The following FMO5 variants were observed in gnomAD, a reference collection of about 807,000 sequenced individuals.
FMO5 encodes the protein flavin containing dimethylaniline monoxygenase 5.
FMO5 carries 51 observed loss-of-function variants against 43.6 expected under a neutral mutation model. That is an observed-to-expected ratio of 1.17 (90% CI 0.93 to 1.48). FMO5 has a LOEUF of 1.48. FMO5 is among the 40% of genes most tolerant of loss of function. The pLI, the probability that FMO5 is intolerant of heterozygous loss-of-function variation, is 0.00. For missense variants in FMO5, 644 were observed against 643.0 expected (o/e 1.00, Z -0.02); for synonymous variants, 187 against 216.5 (o/e 0.86, Z 1.20).
Position 147,187,197 on chromosome 1 carries a change from G to T in FMO5, c.1305C>A (p.Thr435=), listed in dbSNP as rs782421439. 22 of 1,614,000 alleles carry T rather than the reference G, an allele frequency of 1.4e-5. No homozygotes were observed. Among genetic ancestry groups the T allele is most frequent in the Non-Finnish European group, 1.9e-5 (22 of 1,179,986 alleles). ...RHTIQGDYID[T]MEELADLVGV... ...CCACCAAATCAGCAAGCTCTTCCAT[G>T]GTATCTATGTAGTCTCCCTGAATGG... The change falls in exon 9 of 9, where the codon ACC becomes ACA. Residue 435 remains threonine, a synonymous_variant. Transcript: ENST00000254090.
chr1:147,201,584 G>T, intron 6 of FMO5, 80 bp from the exon 7 acceptor site: 1 of 1,065,244 alleles, frequency 9.4e-7, no homozygotes, highest in Non-Finnish European at 1.4e-6. Flanking sequence ...TTGCTTTGGT[G>T]GAGGTAAACA....
chr1:147,213,238 A>G lies in FMO5; in HGVS notation c.487+70T>C, dbSNP rs587752502. ...CAAAGTAGGAATTACTCAGACCACA[A>G]TCCTCCCATTCCTCAGGGGTCAGGT... is the stretch of plus-strand genomic sequence containing the variant. On this transcript the variant is annotated intron_variant, in intron 4 of 8. Coordinates refer to ENST00000254090, the MANE Select transcript of FMO5 (RefSeq NM_001461.4). 1.6e-5 allele frequency: 20 copies of G among 1,272,412 alleles called. No homozygotes were observed. The African/African-American group carries it at 2.9e-4, about 18-fold the overall frequency. 78.8% of individuals were successfully genotyped at this position (1,272,412 alleles called of 1,614,324 possible). A position where few individuals can be genotyped will look rare whatever the true frequency, so the allele number is the denominator to read the frequency against.
Position 147,200,572 on chromosome 1 carries a change from A to C in FMO5, c.1183+580T>G, listed in dbSNP as rs1351042527. On this transcript the variant is annotated intron_variant, in intron 7 of 8. Coordinates refer to ENST00000254090, the MANE Select transcript of FMO5 (RefSeq NM_001461.4). ...CTTTGGAAGCTATATCATTCTACTG[A>C]CTCATATGAAACCTATTCCCCTTTT... Among the ~76,000 whole-genome samples, 7 of 131,402 alleles carry C rather than the reference A, an allele frequency of 5.3e-5. No homozygotes were observed. In the East Asian group the frequency reaches 1.4e-3, roughly 26 times the overall value. 86.2% of individuals were successfully genotyped at this position (131,402 alleles called of 152,430 possible).
In FMO5 at chr1:147,190,253, A is replaced by C; in HGVS notation, c.1184-4T>G. On this transcript the variant is annotated splice_region_variant and splice_polypyrimidine_tract_variant and intron_variant, in intron 7 of 8. Coordinates refer to ENST00000254090, the MANE Select transcript of FMO5 (RefSeq NM_001461.4). ...TGTGAGGGCAATGTCTTTAGACCTA[A>C]AAACAAAAATTAACATTTTAACTGT... 1.3e-6 allele frequency: 2 copies of C among 1,585,882 alleles called. No homozygotes were observed. Among genetic ancestry groups the C allele is most frequent in the Non-Finnish European group, 1.7e-6 (2 of 1,157,848 alleles).
At chr1:147,222,571 T>C (rs1397976521) in intron 2 of FMO5, among the ~76,000 whole-genome samples, 1 of 152,180 alleles carries the variant, frequency 6.6e-6, no homozygotes, top group Non-Finnish European at 1.5e-5. Flanking sequence ...TGGAATCATC[T>C]GGGGAGCTTT....
At position 147,215,856 on chromosome 1, in the gene FMO5, T is replaced by G; in HGVS notation, c.222A>C (p.Pro74=). ...TGAAGTTGGGATAATGATCTGGGAT[T>G]GGATAGTCACTGAAGCACATCATCT... ...SKEMMCFSDY[P]IPDHYPNFMH... is the part of the protein sequence containing the mutation. Residue 74 remains proline, a synonymous_variant, in exon 3 of 9, where the codon CCA becomes CCC. Coordinates refer to ENST00000254090, the MANE Select transcript of FMO5 (RefSeq NM_001461.4). 6.2e-7 allele frequency: 1 copy of G among 1,613,622 alleles called. No homozygotes were observed.
At chr1:147,206,102 T>C (rs76275255) in intron 6 of FMO5, among the ~76,000 whole-genome samples, 5 of 148,150 alleles carry the variant, frequency 3.4e-5, no homozygotes, top group African/African-American at 5.1e-5. Flanking sequence ...AAAAAGTGGG[T>C]GAAGGATATG....
chr1:147,203,229 C>T (rs1553921453), intron 6 of FMO5: 1 of 1,006,354 alleles, frequency 9.9e-7, no homozygotes, highest in African/African-American at 1.6e-5. Context: ...TCTTAGAATA[C>T]TACTACAAAT....
intron 2 of FMO5, among the ~76,000 whole-genome samples, chr1:147,216,471 T>C (rs1419425343): frequency 6.6e-6 from 1 of 151,962 alleles, no homozygotes; most frequent in Non-Finnish European, 1.5e-5. Flanking sequence ...CAGGAAAGAG[T>C]GTAACAGTTT....
At chr1:147,205,045 A>G (rs1380172503) in intron 6 of FMO5, 4 of 678,648 alleles carry the variant, frequency 5.9e-6, no homozygotes, top group African/African-American at 5.4e-5. Context: ...CATCTTTGCT[A>G]TATAGTCCAG....
At chr1:147,197,010 G>A (rs1438032189) in intron 7 of FMO5, among the ~76,000 whole-genome samples, 3 of 152,036 alleles carry the variant, frequency 2.0e-5, no homozygotes, top group Admixed American at 1.3e-4. Flanking sequence ...CTTCTAAACT[G>A]GAGATCTGAT....
At position 147,195,125 on chromosome 1, in the gene FMO5, C is replaced by G. The variant is rs1657724240; in HGVS notation, c.1184-4876G>C. 2.0e-5 allele frequency among the ~76,000 whole-genome samples: 3 copies of G among 152,094 alleles called. No homozygotes were observed. In the South Asian group the frequency reaches 6.2e-4, roughly 31 times the overall value. ...TGTTTTCCAACTTGGTTCCATTCTC[C>G]CCGTCACTTTCAGGTTCACCAATCC... On this transcript the variant is annotated intron_variant, in intron 7 of 8. Transcript: ENST00000254090.
intron 6 of FMO5, 143 bp downstream of exon 6, chr1:147,208,709 G>C (rs1174354587): frequency 4.7e-6 from 3 of 640,972 alleles, no homozygotes; most frequent in Non-Finnish European, 8.2e-6. Flanking sequence ...AGAGTGCTGG[G>C]ATTACAGGCG....
chr1:147,222,969 C>A (rs1663319724), intron 2 of FMO5, among the ~76,000 whole-genome samples: 2 of 152,178 alleles, frequency 1.3e-5, no homozygotes, highest in Admixed American at 6.5e-5. Context: ...TGAATAATAA[C>A]CAACATGTAA....
At chr1:147,223,353 C>G (rs1663399565) in intron 2 of FMO5, among the ~76,000 whole-genome samples, 1 of 152,152 alleles carries the variant, frequency 6.6e-6, no homozygotes, top group Admixed American at 6.6e-5. Flanking sequence ...AAATTAGTCC[C>G]CAAAACAGAG....
chr1:147,205,168 A>G (rs1659766781), intron 6 of FMO5, among the ~76,000 whole-genome samples: 1 of 152,202 alleles, frequency 6.6e-6, no homozygotes, highest in African/African-American at 2.4e-5. Context: ...GCTATCTCCT[A>G]TTATTCAACA....
At chr1:147,202,160 C>G (rs1184655095) in intron 6 of FMO5, among the ~76,000 whole-genome samples, 1 of 151,898 alleles carries the variant, frequency 6.6e-6, no homozygotes, top group Non-Finnish European at 1.5e-5. Context: ...TCTTGGTATA[C>G]TTCGGGCTTG....
At chr1:147,199,484 AT>A (rs1553920459) in intron 7 of FMO5, among the ~76,000 whole-genome samples, 1 of 152,082 alleles carries the variant, frequency 6.6e-6, no homozygotes, top group Non-Finnish European at 1.5e-5. Flanking sequence ...CTTTTTGTAC[AT>A]TTTCCCTAAG....
In FMO5 at chr1:147,199,228, C is replaced by T. The variant is rs1320503619; in HGVS notation, c.1183+1924G>A. On this transcript the variant is annotated intron_variant, in intron 7 of 8. Transcript: ENST00000254090. ...AAGGAGGCAGGCTTTGTTGGGCAGACATGAAAAAAATGGGAAAAACAAGCT... is the reference window on the plus strand; with the variant it reads ...AAGGAGGCAGGCTTTGTTGGGCAGATATGAAAAAAATGGGAAAAACAAGCT... 2.8e-5 allele frequency among the ~76,000 whole-genome samples: 4 copies of T among 144,976 alleles called. No homozygotes were observed. In the East Asian group the frequency reaches 5.9e-4, roughly 21 times the overall value.
Sources: gnomAD v4.1 joint callset for allele counts (sites outside exome capture counted in the v4.1 genomes callset) on GRCh38, gnomAD v4.1.1 for gene constraint, MANE v1.5 for transcripts, NCBI Gene and HGNC (gene_info 2026-07-23, HGNC 2026-07-21) for gene names.